Variants in NRP2 observed in about 807,000 individuals in gnomAD.
The protein encoded by NRP2 is neuropilin-2.
NRP2 carries 52 observed loss-of-function variants against 110.4 expected under a neutral mutation model. That is an observed-to-expected ratio of 0.47 (90% CI 0.38 to 0.59). The LOEUF is 0.59. Among genes scored for constraint, NRP2 ranks in the 20% least tolerant of loss-of-function variants. The pLI, the probability that NRP2 is intolerant of heterozygous loss-of-function variation, is 0.00. For synonymous variants in NRP2, 508 were observed against 468.9 expected (o/e 1.08, Z -1.08); for missense variants, 1,049 against 1,203.0 (o/e 0.87, Z 1.89).
At chr2:205,689,888 A>C (rs2056268945) in intron 1 of NRP2, among the ~76,000 whole-genome samples, 1 of 152,252 alleles carries the variant, frequency 6.6e-6, no homozygotes, top group Non-Finnish European at 1.5e-5. Context: ...TCATAAAGAC[A>C]AAATAGCTTT....
chr2:205,696,442 G>A (rs757994884), intron 1 of NRP2, among the ~76,000 whole-genome samples: 21 of 152,174 alleles, frequency 1.4e-4, no homozygotes, highest in Non-Finnish European at 2.5e-4. Context: ...GAAGGTCTCC[G>A]AGAGGCTTCT....
At chr2:205,731,540 G>A (rs1350235501) in intron 7 of NRP2, among the ~76,000 whole-genome samples, 1 of 152,198 alleles carries the variant, frequency 6.6e-6, no homozygotes, top group Non-Finnish European at 1.5e-5. Context: ...CTGGTGACAG[G>A]ACACGGGGGA....
At chr2:205,700,139 C>T (rs190811886) in intron 2 of NRP2, among the ~76,000 whole-genome samples, 1 of 152,216 alleles carries the variant, frequency 6.6e-6, no homozygotes, top group Non-Finnish European at 1.5e-5. Flanking sequence ...GTGAAAGGAA[C>T]AATTAATCTA....
chr2:205,708,015 T>C (rs1435382332), intron 2 of NRP2, among the ~76,000 whole-genome samples: 1 of 152,214 alleles, frequency 6.6e-6, no homozygotes, highest in Non-Finnish European at 1.5e-5. Flanking sequence ...GAAAATTTAG[T>C]AAGTCCTGGC....
chr2:205,725,859 C>A lies in NRP2; in HGVS notation c.821-54C>A. 6.3e-7 allele frequency: 1 copy of A among 1,597,016 alleles called. No individual in the cohort carries two copies. Among genetic ancestry groups the A allele is most frequent in the Non-Finnish European group, 8.6e-7 (1 of 1,166,016 alleles). On this transcript the variant is annotated intron_variant, in intron 5 of 16. Coordinates refer to ENST00000357785, the MANE Select transcript of NRP2 (RefSeq NM_003872.3). This position sits in a 1 kb window ranked among gnomAD's most constrained non-coding sequence, Gnocchi z 4.1. Reference sequence around the variant, plus strand: ...AGAAGGGAGGCAGCATTTGGGGGATCCCGAGGTATGAGGTTGGAAGGCCTA... The same window carrying A: ...AGAAGGGAGGCAGCATTTGGGGGATACCGAGGTATGAGGTTGGAAGGCCTA...
At chr2:205,684,086 T>C (rs960540331) in intron 1 of NRP2, among the ~76,000 whole-genome samples, 6 of 152,210 alleles carry the variant, frequency 3.9e-5, no homozygotes, top group Admixed American at 1.3e-4. Flanking sequence ...TCTTGTGAAG[T>C]GGTTAGAAAC....
At chr2:205,760,160 C>T (rs959438143) in intron 12 of NRP2, among the ~76,000 whole-genome samples, 5 of 152,144 alleles carry the variant, frequency 3.3e-5, no homozygotes, top group Admixed American at 6.5e-5. Flanking sequence ...TAAAGCCTCC[C>T]GTGTGATCGC....
At chr2:205,711,239 C>G (rs1311210987) in intron 2 of NRP2, among the ~76,000 whole-genome samples, 1 of 152,112 alleles carries the variant, frequency 6.6e-6, no homozygotes, top group Non-Finnish European at 1.5e-5. Flanking sequence ...TGCCAGGCAC[C>G]AGGGAAGTGT....
chr2:205,789,273 C>G (rs2105971376), intron 15 of NRP2, among the ~76,000 whole-genome samples: 1 of 152,326 alleles, frequency 6.6e-6, no homozygotes, highest in African/African-American at 2.4e-5. Context: ...TGTAGTCAGG[C>G]TGACCTGAGA....
chr2:205,712,102 A>G (rs2056810318), intron 2 of NRP2, among the ~76,000 whole-genome samples: 1 of 152,222 alleles, frequency 6.6e-6, no homozygotes, highest in South Asian at 2.1e-4. Flanking sequence ...GTTGAGAAAG[A>G]AAGTAGAGAA....
At chr2:205,786,965 G>A (rs148134896) in intron 15 of NRP2, among the ~76,000 whole-genome samples, 1,636 of 152,168 alleles carry the variant, frequency 0.011, 16 homozygotes, top group South Asian at 0.027. Flanking sequence ...GAAGAATGGG[G>A]CAGTGAGCAT....
chr2:205,716,123 T>G, intron 2 of NRP2, 70 bp from the exon 3 acceptor site: 1 of 1,488,716 alleles, frequency 6.7e-7, no homozygotes, highest in Non-Finnish European at 9.4e-7. Context: ...GAGACATAAG[T>G]GGGAGCGACA....
At chr2:205,702,247 T>G (rs1201155707) in intron 2 of NRP2, among the ~76,000 whole-genome samples, 1 of 152,216 alleles carries the variant, frequency 6.6e-6, no homozygotes. Context: ...TTTTTGCTTT[T>G]TTATGGGGTT....
At chr2:205,794,312 G>A (rs371143463) in intron 16 of NRP2, among the ~76,000 whole-genome samples, 48 of 152,062 alleles carry the variant, frequency 3.2e-4, no homozygotes, top group South Asian at 8.3e-4. Flanking sequence ...GGGTTTCACC[G>A]TGTTAGCCAG....
chr2:205,729,281 G>A (rs999169358), intron 7 of NRP2, among the ~76,000 whole-genome samples: 1 of 152,210 alleles, frequency 6.6e-6, no homozygotes, highest in Non-Finnish European at 1.5e-5. Flanking sequence ...ATATTACCAG[G>A]TATCTCACAC....
intron 12 of NRP2, among the ~76,000 whole-genome samples, chr2:205,755,878 G>T (rs912344037): frequency 1.3e-5 from 2 of 152,206 alleles, no homozygotes; most frequent in Admixed American, 6.5e-5. Context: ...CAAGTGTGAG[G>T]GGCGTCAGGG....
intron 12 of NRP2, among the ~76,000 whole-genome samples, chr2:205,757,951 G>C (rs912905513): frequency 6.6e-6 from 1 of 151,306 alleles, no homozygotes; most frequent in Non-Finnish European, 1.5e-5. Context: ...GCAGTGTGTG[G>C]ATTGATAACG....
At chr2:205,794,449 T>C (rs2058333846) in intron 16 of NRP2, among the ~76,000 whole-genome samples, 1 of 152,218 alleles carries the variant, frequency 6.6e-6, no homozygotes, top group South Asian at 2.1e-4. Context: ...ACTTACTATG[T>C]TGCAGACACC....
In NRP2 at chr2:205,697,549, C is replaced by T; in HGVS notation, c.79C>T (p.Pro27Ser). 1 of 1,613,902 alleles carries T rather than the reference C, an allele frequency of 6.2e-7. No individual in the cohort carries two copies. Among genetic ancestry groups the T allele is most frequent in the Admixed American group, 1.7e-5 (1 of 60,020 alleles). ...RHQVRGQPDP[P>S]CGGRLNSKDA... Reference sequence around the variant, plus strand: ...GTCGTTGATTTCTCTTTCAGACCCACCGTGCGGAGGTCGTTTGAATTCCAA... The same window carrying T: ...GTCGTTGATTTCTCTTTCAGACCCATCGTGCGGAGGTCGTTTGAATTCCAA... Residue 27 changes from proline to serine, a missense_variant, in exon 2 of 17, where the codon CCG becomes TCG. By Grantham distance (74) the Pro-to-Ser change is moderately conservative (BLOSUM62 -1). Coordinates refer to ENST00000357785, the MANE Select transcript of NRP2 (RefSeq NM_003872.3).
Sources: gnomAD v4.1 joint callset for allele counts (sites outside exome capture counted in the v4.1 genomes callset) on GRCh38, gnomAD v4.1.1 for gene constraint, Gnocchi (gnomAD v3.1) non-coding constraint, MANE v1.5 for transcripts, NCBI Gene and HGNC (gene_info 2026-07-23, HGNC 2026-07-21) for gene names.